The following FBXW7 variants were observed in gnomAD, a reference collection of about 807,000 sequenced individuals.
FBXW7 encodes the protein F-box/WD repeat-containing protein 7.
In FBXW7, 11 loss-of-function variants were observed where a neutral mutation model predicts 86.3. That is an observed-to-expected ratio of 0.13 (90% CI 0.08 to 0.21). FBXW7 has a LOEUF of 0.21. Ranked by LOEUF, FBXW7 falls within the 10% of genes least tolerant of loss-of-function variation. The pLI, the probability that FBXW7 is intolerant of heterozygous loss-of-function variation, is 1.00. For synonymous variants in FBXW7, 313 were observed against 297.9 expected (o/e 1.05, Z -0.52); for missense variants, 488 against 847.4 (o/e 0.58, Z 5.27).
intron 2 of FBXW7, among the ~76,000 whole-genome samples, chr4:152,449,348 T>C (rs1463803309): frequency 6.6e-6 from 1 of 152,170 alleles, no homozygotes; most frequent in Non-Finnish European, 1.5e-5. Context: ...CTAATACAAA[T>C]CTTTGAGGAC....
intron 6 of FBXW7, among the ~76,000 whole-genome samples, chr4:152,345,557 T>C (rs1316347868): frequency 2.0e-5 from 3 of 151,844 alleles, no homozygotes; most frequent in Non-Finnish European, 4.4e-5. Flanking sequence ...CTGCGCCCCA[T>C]CCCCTCAGTT....
At chr4:152,381,341 T>C (rs1735054596) in intron 4 of FBXW7, among the ~76,000 whole-genome samples, 1 of 152,088 alleles carries the variant, frequency 6.6e-6, no homozygotes, top group African/African-American at 2.4e-5. Context: ...AAAATAAAAC[T>C]TTAAGAAACG....
At chr4:152,476,040 A>G in intron 2 of FBXW7, among the ~76,000 whole-genome samples, 1 of 152,206 alleles carries the variant, frequency 6.6e-6, no homozygotes, top group African/African-American at 2.4e-5. Flanking sequence ...ACAATTCAGC[A>G]AAAGAACAAA....
intron 6 of FBXW7, 94 bp from the exon 7 acceptor site, chr4:152,338,030 T>C (rs1730336191): frequency 7.6e-7 from 1 of 1,322,436 alleles, no homozygotes; most frequent in Non-Finnish European, 1.0e-6. Context: ...CAACCATAGT[T>C]GATCAGGGTA....
intron 4 of FBXW7, among the ~76,000 whole-genome samples, chr4:152,408,631 T>G (rs2676333): frequency 0.98 from 149,102 of 152,306 alleles, 73,064 homozygotes; most frequent in East Asian, 1. Context: ...GGGTAGCTCT[T>G]ATCACTTCAA....
intron 5 of FBXW7, among the ~76,000 whole-genome samples, chr4:152,349,484 G>A (rs1731595291): frequency 6.6e-6 from 1 of 151,828 alleles, no homozygotes; most frequent in South Asian, 2.1e-4. Context: ...CAAAAATAAT[G>A]GGGACTGAAG....
At chr4:152,349,174 GAATA>G (rs1447591019) in intron 5 of FBXW7, among the ~76,000 whole-genome samples, 4 of 151,896 alleles carry the variant, frequency 2.6e-5, no homozygotes, top group African/African-American at 9.7e-5. Flanking sequence ...GCATCTTATA[GAATA>G]AAAATAACTA....
chr4:152,458,185 A>C (rs1022706298), intron 2 of FBXW7, among the ~76,000 whole-genome samples: 3 of 151,782 alleles, frequency 2.0e-5, no homozygotes, highest in African/African-American at 7.3e-5. Context: ...ACGCGCAGCT[A>C]ATTTTTGTAT....
At chr4:152,382,265 G>T in intron 4 of FBXW7, 1 of 1,605,470 alleles carries the variant, frequency 6.2e-7, no homozygotes, top group Non-Finnish European at 8.5e-7. Context: ...ATGTGGTAGA[G>T]GCTCTTTTGC....
intron 2 of FBXW7, among the ~76,000 whole-genome samples, chr4:152,496,139 T>A (rs1746322846): frequency 6.6e-6 from 1 of 152,080 alleles, no homozygotes. Flanking sequence ...ACCACACCAC[T>A]GCACTCCAGC....
In FBXW7 at chr4:152,431,401, T is replaced by G. The variant is rs144812076; in HGVS notation, c.-119-18872A>C. 2.0e-3 allele frequency among the ~76,000 whole-genome samples: 297 copies of G among 152,274 alleles called. 2 individuals carry two copies. The highest frequency in any genetic ancestry group is 6.8e-3 in the African/African-American group (281 of 41,566). ...AACAGAACAGGAAAAAAAAGCTGAT[T>G]TGTTAATATCAGGTTACTTCAGTTT... On this transcript the variant is annotated intron_variant, in intron 2 of 13. Coordinates refer to ENST00000281708, the MANE Select transcript of FBXW7 (RefSeq NM_001349798.2).
At chr4:152,476,923 A>G (rs916273915) in intron 2 of FBXW7, among the ~76,000 whole-genome samples, 3 of 152,124 alleles carry the variant, frequency 2.0e-5, no homozygotes, top group Non-Finnish European at 2.9e-5. Flanking sequence ...CTTACTTCCT[A>G]TTATACACTA....
intron 2 of FBXW7, among the ~76,000 whole-genome samples, chr4:152,526,862 A>G (rs780570128): frequency 2.0e-5 from 3 of 152,254 alleles, no homozygotes; most frequent in Non-Finnish European, 2.9e-5. Context: ...CTATTAAAAA[A>G]AAGCCCAACA....
chr4:152,504,994 G>C (rs1047296432), intron 2 of FBXW7, among the ~76,000 whole-genome samples: 1 of 152,100 alleles, frequency 6.6e-6, no homozygotes. Context: ...TCAGAGAAAT[G>C]TGTCAGGCAA....
chr4:152,433,958 G>A (rs1394511303), intron 2 of FBXW7, among the ~76,000 whole-genome samples: 1 of 152,134 alleles, frequency 6.6e-6, no homozygotes, highest in Non-Finnish European at 1.5e-5. Flanking sequence ...AACAACATGA[G>A]TTTGAACAGC....
rs770738515 is a variant in FBXW7 at position 152,326,247 on chromosome 4, C to T, written c.1419-16G>A. 6.3e-7 allele frequency: 1 copy of T among 1,575,704 alleles called. No individual in the cohort carries two copies. Among genetic ancestry groups the T allele is most frequent in the Non-Finnish European group, 8.6e-7 (1 of 1,157,684 alleles). On this transcript the variant is annotated splice_polypyrimidine_tract_variant and intron_variant, in intron 11 of 13. Coordinates refer to ENST00000281708, the MANE Select transcript of FBXW7 (RefSeq NM_001349798.2). ...GCTAACAACTCTGCAGAGGGAGAAA[C>T]AGAAAAACAAAACAAAACAAAAAAA...
At chr4:152,404,746 T>A (rs1169084397) in intron 4 of FBXW7, among the ~76,000 whole-genome samples, 1 of 152,164 alleles carries the variant, frequency 6.6e-6, no homozygotes, top group Admixed American at 6.5e-5. Context: ...TTAAACTCAA[T>A]TTTAATGACG....
At chr4:152,472,090 A>C (rs539734722) in intron 2 of FBXW7, among the ~76,000 whole-genome samples, 8 of 152,314 alleles carry the variant, frequency 5.3e-5, no homozygotes, top group Admixed American at 4.6e-4. Flanking sequence ...AACTTCACAA[A>C]GACATACTAC....
chr4:152,389,040 T>C (rs1735778584), intron 4 of FBXW7, among the ~76,000 whole-genome samples: 1 of 151,990 alleles, frequency 6.6e-6, no homozygotes, highest in African/African-American at 2.4e-5. Flanking sequence ...GAAAAAATGT[T>C]CAACATCATT....
Sources: allele counts gnomAD v4.1 joint callset (sites outside exome capture counted in the v4.1 genomes callset), GRCh38; gene constraint gnomAD v4.1.1; transcripts MANE v1.5; gene names NCBI Gene and HGNC (gene_info 2026-07-23, HGNC 2026-07-21).